SORCS3: variants seen among roughly 807,000 people sequenced by gnomAD.
SORCS3 encodes the protein sortilin related VPS10 domain containing receptor 3.
A neutral mutation model predicts 146.3 loss-of-function variants in SORCS3; 57 were observed. The observed-to-expected ratio is 0.39, with a 90% CI of 0.31 to 0.49. The LOEUF is 0.49. SORCS3 is among the 20% of genes least tolerant of loss of function. The pLI is 0.92. For missense variants in SORCS3, 1,341 were observed against 1,575.5 expected (o/e 0.85, Z 2.52); for synonymous variants, 653 against 618.5 (o/e 1.06, Z -0.83).
intron 13 of SORCS3, among the ~76,000 whole-genome samples, chr10:105,177,813 C>G (rs1280311791): frequency 6.6e-6 from 1 of 152,080 alleles, no homozygotes; most frequent in Non-Finnish European, 1.5e-5. Context: ...AGCCCTCCTG[C>G]TTGGGCTGTT....
intron 4 of SORCS3, among the ~76,000 whole-genome samples, chr10:105,037,135 G>A (rs1461447221): frequency 6.6e-6 from 1 of 152,146 alleles, no homozygotes; most frequent in Non-Finnish European, 1.5e-5. Flanking sequence ...TATCCTGGGG[G>A]TGGAGGCATG....
chr10:105,073,948 T>C (rs2055573422), intron 5 of SORCS3, among the ~76,000 whole-genome samples: 1 of 152,086 alleles, frequency 6.6e-6, no homozygotes, highest in Non-Finnish European at 1.5e-5. Context: ...TCTCCTGAGG[T>C]TAGGTTGTGG....
Position 105,242,452 on chromosome 10 carries a change from A to ATT in SORCS3, c.2869-3089_2869-3088insTT, listed in dbSNP as rs2056832400. Among the ~76,000 whole-genome samples, 7 of 78,044 alleles carry ATT rather than the reference A, an allele frequency of 9.0e-5. No individual in the cohort carries two copies. In the East Asian group the frequency reaches 1.1e-3, roughly 12 times the overall value. The allele number at this position is 78,044 out of a possible 152,430, so 51.2% of individuals were successfully genotyped here. On this transcript the variant is annotated intron_variant, in intron 20 of 26. Transcript: ENST00000369701. ...TTTATACATATATTTATATATATTTATATATATTTATATATTTATATATTT... is the reference window on the plus strand; with the variant it reads ...TTTATACATATATTTATATATATTTATTTATATATTTATATATTTATATATTT...
intron 3 of SORCS3, among the ~76,000 whole-genome samples, chr10:104,938,319 T>C (rs956470681): frequency 1.3e-5 from 2 of 152,186 alleles, no homozygotes; most frequent in African/African-American, 4.8e-5. Flanking sequence ...TGACAGAATT[T>C]GTTTTTATTC....
intron 2 of SORCS3, among the ~76,000 whole-genome samples, chr10:104,869,891 A>G (rs1475138759): frequency 6.6e-6 from 1 of 152,214 alleles, no homozygotes; most frequent in Non-Finnish European, 1.5e-5. Flanking sequence ...GAGCATCATC[A>G]TTATTAGCTA....
At chr10:105,201,350 C>T (rs576522622) in intron 16 of SORCS3, 97 bp downstream of exon 16, 150 of 1,429,338 alleles carry the variant, frequency 1.0e-4, no homozygotes, top group East Asian at 2.6e-4. Flanking sequence ...GGAAGCATGA[C>T]GCAGAGATAG....
chr10:105,012,014 A>G (rs1440737775), intron 4 of SORCS3, among the ~76,000 whole-genome samples: 1 of 152,218 alleles, frequency 6.6e-6, no homozygotes, highest in Non-Finnish European at 1.5e-5. Flanking sequence ...TGCAACTTAC[A>G]TAGGGTGTTC....
intron 13 of SORCS3, among the ~76,000 whole-genome samples, chr10:105,172,423 G>C (rs909343328): frequency 6.6e-6 from 1 of 152,066 alleles, no homozygotes; most frequent in Non-Finnish European, 1.5e-5. Flanking sequence ...TCTTTAGAAG[G>C]GTCACATGGA....
chr10:104,834,756 T>A (rs2018047121), intron 1 of SORCS3, among the ~76,000 whole-genome samples: 1 of 152,028 alleles, frequency 6.6e-6, no homozygotes, highest in East Asian at 1.9e-4. Context: ...GGCTGGTTTG[T>A]TTTCTTTACT....
chr10:105,256,729 T>A, intron 24 of SORCS3, 90 bp from the exon 25 acceptor site: 1 of 915,868 alleles, frequency 1.1e-6, no homozygotes, highest in Non-Finnish European at 1.7e-6. Flanking sequence ...TGGAGATCAG[T>A]GGCCTCCTTC....
In SORCS3 at chr10:105,080,024, G is replaced by A. The variant is rs147512121; in HGVS notation, c.1029-9751G>A. Among the ~76,000 whole-genome samples the A allele has an allele frequency of 1.4e-4, 22 of 152,172 alleles. No homozygotes were observed. The East Asian group carries it at 2.1e-3, about 15-fold the overall frequency. On this transcript the variant is annotated intron_variant, in intron 5 of 26. Transcript: ENST00000369701. ...GAATAGTGCTGCAATGAACATTCAC[G>A]CGCATGTGTCTTTATGATAGAATGA...
At chr10:104,903,666 C>T (rs1370903760) in intron 2 of SORCS3, among the ~76,000 whole-genome samples, 10 of 152,178 alleles carry the variant, frequency 6.6e-5, no homozygotes, top group South Asian at 4.1e-4. Context: ...CCCCTGGTAG[C>T]CTCCATGACT....
chr10:104,772,817 A>G (rs951140943), intron 1 of SORCS3, among the ~76,000 whole-genome samples: 1 of 152,144 alleles, frequency 6.6e-6, no homozygotes, highest in African/African-American at 2.4e-5. Flanking sequence ...ATCTCTTTTT[A>G]TACCAGACTT....
intron 1 of SORCS3, among the ~76,000 whole-genome samples, chr10:104,779,213 A>G (rs1481084498): frequency 2.6e-5 from 4 of 152,272 alleles, no homozygotes; most frequent in Admixed American, 2.6e-4. Flanking sequence ...TCTCTGCAAG[A>G]CCCATTCTGG....
In SORCS3 at chr10:104,842,789, C is replaced by T. The variant is rs777729354; in HGVS notation, c.628-3C>T. Reference sequence around the variant, plus strand: ...CTTTGCCCTTATCCCCAACCCCTTGCAGGTCATACTTATCCTGACGAAGCT... The same window carrying T: ...CTTTGCCCTTATCCCCAACCCCTTGTAGGTCATACTTATCCTGACGAAGCT... On this transcript the variant is annotated splice_region_variant and splice_polypyrimidine_tract_variant and intron_variant, in intron 1 of 26. Coordinates refer to ENST00000369701, the MANE Select transcript of SORCS3 (RefSeq NM_014978.3). 67 of 1,613,154 alleles carry T rather than the reference C, an allele frequency of 4.2e-5. No individual in the cohort carries two copies. Among genetic ancestry groups the T allele is most frequent in the Middle Eastern group, 1.6e-4 (1 of 6,076 alleles).
intron 4 of SORCS3, among the ~76,000 whole-genome samples, chr10:105,025,882 C>A (rs3219933): frequency 1.3e-5 from 1 of 77,754 alleles, no homozygotes; most frequent in African/African-American, 4.8e-5. Flanking sequence ...ACACACACAC[C>A]TGAAGAACAA....
rs74531745 is a variant in SORCS3, at chr10:104,679,670, T to A, written c.627+37716T>A. Among the ~76,000 whole-genome samples, 359 of 152,344 alleles carry A rather than the reference T, an allele frequency of 2.4e-3. 2 individuals are homozygous for A. Among genetic ancestry groups the A allele is most frequent in the African/African-American group, 8.1e-3 (335 of 41,590 alleles). ...GGCCTTCTAAGTACTGGATTTTGCC[T>A]TGTCAGTCAAGACCTTCTTCTCTTT... On this transcript the variant is annotated intron_variant, in intron 1 of 26. Transcript: ENST00000369701.
rs140272466 is a variant in SORCS3 at position 105,121,249 on chromosome 10, C to A, written c.1212+15734C>A. 2.8e-3 allele frequency among the ~76,000 whole-genome samples: 432 copies of A among 152,280 alleles called. 4 individuals carry two copies. The highest frequency in any genetic ancestry group is 9.7e-3 in the African/African-American group (404 of 41,566). ...AATTGTTGTTATAGTGGAAAACGGA[C>A]CTTGCAATTATTTCACATCAAATTT... On this transcript the variant is annotated intron_variant, in intron 7 of 26. Coordinates refer to ENST00000369701, the MANE Select transcript of SORCS3 (RefSeq NM_014978.3).
At chr10:104,850,744 G>A (rs1375882146) in intron 2 of SORCS3, among the ~76,000 whole-genome samples, 2 of 152,158 alleles carry the variant, frequency 1.3e-5, no homozygotes, top group African/African-American at 2.4e-5. Context: ...GGTATTAGAC[G>A]AAATGATCTT....
Sources: gnomAD v4.1 joint callset for allele counts (sites outside exome capture counted in the v4.1 genomes callset) on GRCh38, gnomAD v4.1.1 for gene constraint, MANE v1.5 for transcripts, NCBI Gene and HGNC (gene_info 2026-07-23, HGNC 2026-07-21) for gene names.